CDIP1: variants seen among roughly 807,000 people sequenced by gnomAD.
CDIP1 encodes the protein cell death inducing p53 target 1.
CDIP1 carries 9 observed loss-of-function variants against 17.7 expected under a neutral mutation model. The observed-to-expected ratio is 0.51, with a 90% confidence interval of 0.31 to 0.89. CDIP1 has a LOEUF of 0.89. Among genes scored for constraint, CDIP1 ranks in the 40% least tolerant of loss-of-function variants. The pLI, the probability that CDIP1 is intolerant of heterozygous loss-of-function variation, is 0.05. For synonymous variants in CDIP1, 117 were observed against 109.5 expected (o/e 1.07, Z -0.43); for missense variants, 263 against 277.9 (o/e 0.95, Z 0.38).
At chr16:4,527,163 C>G (rs998733854) in intron 1 of CDIP1, among the ~76,000 whole-genome samples, 2 of 151,654 alleles carry the variant, frequency 1.3e-5, no homozygotes, top group African/African-American at 4.8e-5. Context: ...TCTTGGCTCA[C>G]TGCAAGCTCC....
At chr16:4,536,233 G>A (rs978067301) in intron 1 of CDIP1, among the ~76,000 whole-genome samples, 1 of 152,196 alleles carries the variant, frequency 6.6e-6, no homozygotes, top group Admixed American at 6.5e-5. Flanking sequence ...TTTTCACAGG[G>A]CCTATCTTTT....
Position 4,512,308 on chromosome 16 carries a change from G to T in CDIP1, c.*264C>A, listed in dbSNP as rs879269187. ...GAGACCCCTCCCAGCTTATCTTCCC[G>T]ATCACACACACCAAGCAGACCAACA... is the stretch of plus-strand genomic sequence containing the variant. On this transcript the variant is annotated 3_prime_UTR_variant, in exon 6 of 6. Transcript: ENST00000567695. The surrounding 1 kb of genome is among the most constrained non-coding windows in gnomAD (Gnocchi z 4.6). The T allele has an allele frequency of 3.6e-6, 2 of 554,090 alleles. No homozygotes were observed. Among genetic ancestry groups the T allele is most frequent in the Admixed American group, 6.2e-5 (2 of 32,106 alleles). 34.3% of individuals were successfully genotyped at this position (554,090 alleles called of 1,614,324 possible).
At chr16:4,531,491 C>G (rs1031169812) in intron 1 of CDIP1, among the ~76,000 whole-genome samples, 2 of 152,172 alleles carry the variant, frequency 1.3e-5, no homozygotes, top group African/African-American at 4.8e-5. Flanking sequence ...GCAAGGCCAT[C>G]AGAGATGACT....
At chr16:4,517,633 G>A (rs1168175518) in intron 1 of CDIP1, among the ~76,000 whole-genome samples, 1 of 152,072 alleles carries the variant, frequency 6.6e-6, no homozygotes, top group Non-Finnish European at 1.5e-5. Context: ...CCCAGCTACT[G>A]GGGAGGCTGA....
At position 4,512,976 on chromosome 16, in the gene CDIP1, G is replaced by T; in HGVS notation, c.330C>A (p.Gly110=). The T allele has an allele frequency of 1.3e-6, 2 of 1,588,586 alleles. No homozygotes were observed. The highest frequency in any genetic ancestry group is 1.7e-6 in the Non-Finnish European group (2 of 1,168,744). ...AAGGGACCAGGACTGTGGCTGTGTG[G>T]CCCCCAGGGCCAGGGTAGGGCCCTG... ...YTPGPYPGPG[G]HTATVLVPSG... Residue 110 remains glycine (G), a synonymous_variant, in exon 5 of 6, where the codon GGC becomes GGA. Coordinates refer to ENST00000567695, the MANE Select transcript of CDIP1 (RefSeq NM_013399.3). The surrounding 1 kb of genome is among the most constrained non-coding windows in gnomAD (Gnocchi z 4.6).
Position 4,512,855 on chromosome 16 carries a change from T to C in CDIP1, c.451A>G (p.Thr151Ala). ...VCPHCQQAITTKISYEIGLMN... is the reference protein window; with the variant it reads ...VCPHCQQAITAKISYEIGLMN... ...AAGCCAATCTCGTAGGAGATCTTGGTGGTGATGGCCTGCTGGCAGTGGGGA... is the reference window on the plus strand; with the variant it reads ...AAGCCAATCTCGTAGGAGATCTTGGCGGTGATGGCCTGCTGGCAGTGGGGA... The change falls in exon 5 of 6, where the codon ACC becomes GCC. Residue 151 changes from threonine (T) to alanine (A), a missense_variant. Transcript: ENST00000567695. The surrounding 1 kb of genome is among the most constrained non-coding windows in gnomAD (Gnocchi z 4.6). 1 of 1,562,256 alleles carries C rather than the reference T, an allele frequency of 6.4e-7. No individual in the cohort carries two copies. The highest frequency in any genetic ancestry group is 8.7e-7 in the Non-Finnish European group (1 of 1,152,724).
chr16:4,528,080 G>A (rs1481267402), intron 1 of CDIP1, among the ~76,000 whole-genome samples: 1 of 152,172 alleles, frequency 6.6e-6, no homozygotes, highest in Admixed American at 6.5e-5. Context: ...GCCTCTCAAA[G>A]TGCTGGAATT....
At chr16:4,523,598 C>T (rs988211807) in intron 1 of CDIP1, among the ~76,000 whole-genome samples, 2 of 152,142 alleles carry the variant, frequency 1.3e-5, no homozygotes, top group Admixed American at 6.6e-5. Flanking sequence ...TCACCCCCCT[C>T]GCCAAAAAAC....
intron 1 of CDIP1, among the ~76,000 whole-genome samples, chr16:4,538,135 G>C (rs928728653): frequency 6.6e-6 from 1 of 152,118 alleles, no homozygotes; most frequent in Non-Finnish European, 1.5e-5. Flanking sequence ...AACCTTCCCT[G>C]ACGGAAAAAC....
chr16:4,538,230 C>T (rs970299085), intron 1 of CDIP1: 1 of 152,254 alleles, frequency 6.6e-6, no homozygotes, highest in Non-Finnish European at 1.5e-5. Context: ...ACCGCAGCGG[C>T]TTCGACATCC....
chr16:4,522,994 G>A (rs1244300035), intron 1 of CDIP1, among the ~76,000 whole-genome samples: 1 of 152,194 alleles, frequency 6.6e-6, no homozygotes, highest in Non-Finnish European at 1.5e-5. Context: ...CCACTGTAAC[G>A]GGCCATGCAG....
Position 4,514,010 on chromosome 16 carries a change from C to T in CDIP1, c.85+36G>A. 7.2e-7 allele frequency: 1 copy of T among 1,385,004 alleles called. No homozygotes were observed. Among genetic ancestry groups the T allele is most frequent in the Non-Finnish European group, 9.7e-7 (1 of 1,027,014 alleles). The allele number at this position is 1,385,004 out of a possible 1,614,324, so 85.8% of individuals were successfully genotyped here. ...CCAACCATGCCATGGCGGCAGGGGGCTGCAATATGGAGCCTCAGGAACAGT... is the reference window on the plus strand; with the variant it reads ...CCAACCATGCCATGGCGGCAGGGGGTTGCAATATGGAGCCTCAGGAACAGT... On this transcript the variant is annotated intron_variant, in intron 3 of 5. Coordinates refer to ENST00000567695, the MANE Select transcript of CDIP1 (RefSeq NM_013399.3). This position sits in a 1 kb window ranked among gnomAD's most constrained non-coding sequence, Gnocchi z 5.2.
In CDIP1 at chr16:4,513,129, T is replaced by C. The variant is rs1397244955; in HGVS notation, c.242-65A>G. On this transcript the variant is annotated intron_variant, in intron 4 of 5. Transcript: ENST00000567695. The surrounding 1 kb of genome is among the most constrained non-coding windows in gnomAD (Gnocchi z 4.1). The stretch of plus-strand genomic sequence containing the variant: ...CTGCCACCTGCACCAGACAAAGAGA[T>C]TGGCGCAAAGCCCCACGGTCCACAG... 3.1e-5 allele frequency: 45 copies of C among 1,450,922 alleles called. No individual in the cohort carries two copies. The highest frequency in any genetic ancestry group is 4.8e-5 in the Admixed American group (2 of 41,796). The allele number at this position is 1,450,922 out of a possible 1,614,324, so 89.9% of individuals were successfully genotyped here.
rs2058858161 is a variant in CDIP1 at position 4,513,746 on chromosome 16, G to A, written c.191C>T (p.Pro64Leu). ...ACTCATGTGTGGTGGGATGAAGCCA[G>A]GCTGGGGCATTGGGTGACCCGGCGG... is the stretch of plus-strand genomic sequence containing the variant. ...YEPPGHPMPQ[P>L]GFIPPHMSAD... Residue 64 changes from proline to leucine, a missense_variant, in exon 4 of 6, where the codon CCT (proline) becomes CTT (leucine). Transcript: ENST00000567695. The surrounding 1 kb of genome is among the most constrained non-coding windows in gnomAD (Gnocchi z 4.1). The A allele has an allele frequency of 1.2e-6, 2 of 1,613,612 alleles. No individual in the cohort carries two copies. The highest frequency in any genetic ancestry group is 1.7e-6 in the Non-Finnish European group (2 of 1,179,786).
At chr16:4,526,806 C>T (rs890432368) in intron 1 of CDIP1, among the ~76,000 whole-genome samples, 6 of 152,056 alleles carry the variant, frequency 3.9e-5, no homozygotes, top group Non-Finnish European at 8.8e-5. Flanking sequence ...AACACCACTG[C>T]GCCCTCCAAC....
Position 4,512,792 on chromosome 16 carries a change from C to A in CDIP1, c.514G>T (p.Gly172Ter). The A allele has an allele frequency of 6.3e-7, 1 of 1,582,146 alleles. No individual in the cohort carries two copies. Among genetic ancestry groups the A allele is most frequent in the Non-Finnish European group, 8.6e-7 (1 of 1,163,744 alleles). Residue 172 changes from glycine (G) to a stop codon, truncating the protein, a stop_gained and splice_region_variant, in exon 5 of 6, where the codon GGA becomes TGA. Transcript: ENST00000567695. LOFTEE classifies it high-confidence loss of function. The surrounding 1 kb of genome is among the most constrained non-coding windows in gnomAD (Gnocchi z 4.6). ...FVLGFFCCFM[G>*]CDLGCCLIPC... is the part of the protein sequence containing the mutation. ...CCTACCAGTGCCCACACCACCTACC[C>A]CATGAAGCAACAGAAGAAACCCAGC...
rs139304550 is a variant in CDIP1 at position 4,528,126 on chromosome 16, G to C, written c.-105+10576C>G. Among the ~76,000 whole-genome samples the C allele has an allele frequency of 2.3e-3, 348 of 152,254 alleles. 1 individual carries two copies. Among genetic ancestry groups the C allele is most frequent in the African/African-American group, 7.7e-3 (319 of 41,566 alleles). On this transcript the variant is annotated intron_variant, in intron 1 of 5. Coordinates refer to ENST00000567695, the MANE Select transcript of CDIP1 (RefSeq NM_013399.3). ...GCCACCATGCCTGGCCAATGATATA[G>C]ATTTTTATTGACATAGAAAAATGGT...
chr16:4,531,353 G>C (rs894184096), intron 1 of CDIP1, among the ~76,000 whole-genome samples: 3 of 151,710 alleles, frequency 2.0e-5, no homozygotes, highest in African/African-American at 7.3e-5. Flanking sequence ...TTTAGAGACG[G>C]GGTTTCGCCA....
chr16:4,536,976 C>G (rs1194324155), intron 1 of CDIP1, among the ~76,000 whole-genome samples: 1 of 152,086 alleles, frequency 6.6e-6, no homozygotes, highest in Non-Finnish European at 1.5e-5. Context: ...TAAAGCTCTT[C>G]CCTGGTTCTC....
Sources: allele counts gnomAD v4.1 joint callset (sites outside exome capture counted in the v4.1 genomes callset), GRCh38; gene constraint gnomAD v4.1.1; non-coding constraint Gnocchi (gnomAD v3.1); transcripts MANE v1.5; gene names NCBI Gene and HGNC (gene_info 2026-07-23, HGNC 2026-07-21).